Variants in E2F5 observed in about 807,000 individuals in gnomAD.
The protein encoded by E2F5 is E2F transcription factor 5, also known as transcription factor E2F5.
Under a neutral mutation model 39.1 loss-of-function variants are expected in E2F5, and 23 were observed. That is an observed-to-expected ratio of 0.59 (90% CI 0.42 to 0.83). E2F5 has a LOEUF of 0.83. Among genes scored for constraint, E2F5 ranks in the 40% least tolerant of loss-of-function variants. The pLI, the probability that E2F5 is intolerant of heterozygous loss-of-function variation, is 0.00. For synonymous variants in E2F5, 145 were observed against 157.8 expected (o/e 0.92, Z 0.61); for missense variants, 365 against 406.7 (o/e 0.90, Z 0.88).
rs371076138 is a variant in E2F5 at position 85,177,664 on chromosome 8, G to A, written c.234+10G>A. The A allele has an allele frequency of 1.3e-4, 162 of 1,280,830 alleles. No individual in the cohort carries two copies. Among genetic ancestry groups the A allele is most frequent in the Non-Finnish European group, 1.5e-4 (153 of 1,011,246 alleles). 79.3% of individuals were successfully genotyped at this position (1,280,830 alleles called of 1,614,324 possible). On this transcript the variant is annotated intron_variant, in intron 1 of 7. Coordinates refer to ENST00000416274, the MANE Select transcript of E2F5 (RefSeq NM_001951.4). Reference sequence around the variant, plus strand: ...TCTGGATCTCAAAGCGGTGAGCTCCGGAGGCGGGGACGGGGGCGGACTTCG... The same window carrying A: ...TCTGGATCTCAAAGCGGTGAGCTCCAGAGGCGGGGACGGGGGCGGACTTCG...
chr8:85,205,163 A>ACTTCAGCT lies in E2F5; in HGVS notation c.507-1014_507-1013insCTTCAGCT, dbSNP rs528947269. On this transcript the variant is annotated intron_variant, in intron 3 of 7. Coordinates refer to ENST00000416274, the MANE Select transcript of E2F5 (RefSeq NM_001951.4). ...ACACTACTGCACTTCAGCTTGGGCG[A>ACTTCAGCT]TAGAGCAAACTCCGTCTCAAAATAA... Among the ~76,000 whole-genome samples, 90 of 152,268 alleles carry ACTTCAGCT rather than the reference A, an allele frequency of 5.9e-4. 2 individuals carry two copies. In the South Asian group the frequency reaches 0.017, roughly 29 times the overall value.
Position 85,177,242 on chromosome 8 carries a change from C to G in E2F5, c.-179C>G. ...GGGAGGGGGCGGAGGCCCGGCGTGA[C>G]AAGCGGCCCAGACTCCCGTGGGCGC... On this transcript the variant is annotated 5_prime_UTR_variant, in exon 1 of 8. Transcript: ENST00000416274. 5.1e-6 allele frequency: 2 copies of G among 395,744 alleles called. No homozygotes were observed. The highest frequency in any genetic ancestry group is 6.9e-6 in the Non-Finnish European group (2 of 290,578). 24.5% of individuals were successfully genotyped at this position (395,744 alleles called of 1,614,324 possible). A position where few individuals can be genotyped will look rare whatever the true frequency, so the allele number is the denominator to read the frequency against.
intron 1 of E2F5, among the ~76,000 whole-genome samples, chr8:85,200,099 T>C (rs1812661922): frequency 6.6e-6 from 1 of 152,038 alleles, no homozygotes; most frequent in Non-Finnish European, 1.5e-5. Context: ...ATACAAAAAT[T>C]AGCCAGTCGT....
chr8:85,202,718 C>A (rs145019113), intron 2 of E2F5, among the ~76,000 whole-genome samples: 1 of 152,054 alleles, frequency 6.6e-6, no homozygotes, highest in African/African-American at 2.4e-5. Context: ...GTTTTGTTTT[C>A]GCCAAAATTC....
chr8:85,199,901 G>A (rs1167391514), intron 1 of E2F5, among the ~76,000 whole-genome samples: 1 of 152,210 alleles, frequency 6.6e-6, no homozygotes, highest in Non-Finnish European at 1.5e-5. Flanking sequence ...AAGATAGGAA[G>A]TGGCAGCCCT....
At chr8:85,205,915 C>G (rs1057310343) in intron 3 of E2F5, among the ~76,000 whole-genome samples, 1 of 152,182 alleles carries the variant, frequency 6.6e-6, no homozygotes, top group Non-Finnish European at 1.5e-5. Context: ...CCTTTGCCTC[C>G]ATGAAGAATG....
intron 1 of E2F5, among the ~76,000 whole-genome samples, chr8:85,194,582 T>C (rs1404312908): frequency 6.8e-6 from 1 of 147,694 alleles, no homozygotes; most frequent in Non-Finnish European, 1.5e-5. Context: ...TCACCCAGGC[T>C]GGAGTGCAGT....
intron 1 of E2F5, among the ~76,000 whole-genome samples, chr8:85,185,511 A>T (rs1431092536): frequency 6.6e-6 from 1 of 152,238 alleles, no homozygotes; most frequent in Non-Finnish European, 1.5e-5. Context: ...AAATTGACCA[A>T]TAGAATCTAA....
At chr8:85,213,578 G>C in intron 7 of E2F5, 175 bp from the exon 8 acceptor site, 1 of 217,956 alleles carries the variant, frequency 4.6e-6, no homozygotes, top group Non-Finnish European at 8.7e-6. Context: ...ATTAACTTCT[G>C]TTTCTCAATC....
At chr8:85,190,270 C>T (rs1181180197) in intron 1 of E2F5, among the ~76,000 whole-genome samples, 2 of 151,972 alleles carry the variant, frequency 1.3e-5, no homozygotes, top group African/African-American at 4.8e-5. Flanking sequence ...ACCCCACCAC[C>T]ACCACTGCAC....
intron 1 of E2F5, among the ~76,000 whole-genome samples, chr8:85,190,943 G>T (rs1263333033): frequency 2.6e-5 from 4 of 152,138 alleles, no homozygotes; most frequent in African/African-American, 9.7e-5. Flanking sequence ...GGAAGAAGGG[G>T]TCATGAGCCA....
At chr8:85,188,594 T>A (rs897989749) in intron 1 of E2F5, among the ~76,000 whole-genome samples, 2 of 152,176 alleles carry the variant, frequency 1.3e-5, no homozygotes, top group Admixed American at 6.5e-5. Context: ...TCCCTGGTAT[T>A]GTGAGCTGTC....
chr8:85,188,683 G>A (rs959762180), intron 1 of E2F5, among the ~76,000 whole-genome samples: 9 of 152,134 alleles, frequency 5.9e-5, no homozygotes, highest in African/African-American at 1.7e-4. Context: ...CTGAAGCCTC[G>A]GGTTATGTGA....
At chr8:85,179,072 T>A (rs1469657606) in intron 1 of E2F5, among the ~76,000 whole-genome samples, 3 of 152,220 alleles carry the variant, frequency 2.0e-5, no homozygotes, top group Non-Finnish European at 4.4e-5. Flanking sequence ...TGAAAGTGAT[T>A]TATGGCATGT....
chr8:85,192,410 A>G (rs1405033413), intron 1 of E2F5, among the ~76,000 whole-genome samples: 2 of 152,188 alleles, frequency 1.3e-5, no homozygotes, highest in Non-Finnish European at 2.9e-5. Flanking sequence ...TATGAAGTTT[A>G]TGTAAGGAAA....
intron 1 of E2F5, among the ~76,000 whole-genome samples, chr8:85,181,392 G>T (rs940840053): frequency 6.6e-6 from 1 of 151,272 alleles, no homozygotes; most frequent in African/African-American, 2.4e-5. Context: ...GTGCAGTGTC[G>T]CGATCTCCAC....
chr8:85,209,426 T>C lies in E2F5; in HGVS notation c.883+17T>C. The stretch of plus-strand genomic sequence containing the variant: ...TATCTTCAGGTGGGTTCAGAGCCTT[T>C]CTTTTGTAAATTAGAGAGGGAGAAA... On this transcript the variant is annotated intron_variant, in intron 6 of 7. Transcript: ENST00000416274. The C allele has an allele frequency of 1.9e-6, 3 of 1,577,162 alleles. No homozygotes were observed. Among genetic ancestry groups the C allele is most frequent in the South Asian group, 2.3e-5 (2 of 86,282 alleles).
chr8:85,183,522 T>C (rs1051296965), intron 1 of E2F5, among the ~76,000 whole-genome samples: 7 of 152,112 alleles, frequency 4.6e-5, no homozygotes, highest in African/African-American at 7.2e-5. Context: ...AATAGATGAG[T>C]AGCTTAACAA....
At chr8:85,180,679 G>T (rs1197125245) in intron 1 of E2F5, among the ~76,000 whole-genome samples, 2 of 144,684 alleles carry the variant, frequency 1.4e-5, no homozygotes, top group Non-Finnish European at 3.0e-5. Context: ...CCGGGTTCAT[G>T]CCATTCTCCT....
Sources: gnomAD v4.1 joint callset for allele counts (sites outside exome capture counted in the v4.1 genomes callset) on GRCh38, gnomAD v4.1.1 for gene constraint, MANE v1.5 for transcripts, NCBI Gene and HGNC (gene_info 2026-07-23, HGNC 2026-07-21) for gene names.